YEATS2: variants seen among roughly 807,000 people sequenced by gnomAD.
YEATS2 encodes YEATS domain-containing protein 2.
In YEATS2, 77 loss-of-function variants were observed where a neutral mutation model predicts 163.2. The ratio of observed to expected loss-of-function variants is 0.47; its 90% confidence interval spans 0.39 to 0.57. The LOEUF is 0.57. Ranked by LOEUF, YEATS2 falls within the 20% of genes least tolerant of loss-of-function variation. YEATS2 has a pLI of 0.00. For synonymous variants in YEATS2, 631 were observed against 645.1 expected, an observed-to-expected ratio of 0.98 and a Z score of 0.33; for missense variants, 1,549 against 1,729.8, an observed-to-expected ratio of 0.90 and a Z score of 1.85.
rs566273193 is a variant in YEATS2 at position 183,737,862 on chromosome 3, C to T, written c.924+1033C>T. The stretch of plus-strand genomic sequence containing the variant: ...CTTTGCTTATTGCTCTCAGTAGATA[C>T]TTGATTTTTAAAAAAATTGAAGATT... On this transcript the variant is annotated intron_variant, in intron 8 of 30. Coordinates refer to ENST00000305135, the MANE Select transcript of YEATS2 (RefSeq NM_018023.5). Among the ~76,000 whole-genome samples, 10 of 152,242 alleles carry T rather than the reference C, an allele frequency of 6.6e-5. No homozygotes were observed. The South Asian group carries it at 1.0e-3, about 16-fold the overall frequency.
rs764297600 is a variant in YEATS2, at chr3:183,775,979, A to AGGCGGCAGTGGCAGCGGT, written c.2435_2436insCGGCAGTGGCAGCGGTGG (p.Gly813_Gly814insSerGlySerGlyGlyGly). Reference sequence around the variant, plus strand: ...CCGGAGGAGGAGGAGGAGGAGGAGGAGGAGGCGGCAGTGGCAGCGGTGGAG... The same window carrying AGGCGGCAGTGGCAGCGGT: ...CCGGAGGAGGAGGAGGAGGAGGAGGAGGCGGCAGTGGCAGCGGTGGAGGCGGCAGTGGCAGCGGTGGAG... On this transcript the variant is annotated inframe_insertion, in exon 18 of 31. Transcript: ENST00000305135. 3.0e-4 allele frequency: 486 copies of AGGCGGCAGTGGCAGCGGT among 1,607,102 alleles called. 3 individuals carry two copies. Among genetic ancestry groups the AGGCGGCAGTGGCAGCGGT allele is most frequent in the Non-Finnish European group, 5.4e-5 (64 of 1,176,254 alleles).
At chr3:183,705,110 G>A (rs550089305) in intron 1 of YEATS2, among the ~76,000 whole-genome samples, 3 of 152,088 alleles carry the variant, frequency 2.0e-5, no homozygotes, top group South Asian at 2.1e-4. Flanking sequence ...GTGCAACGGC[G>A]CGATCTCAGC....
At chr3:183,699,744 C>T (rs1713866135) in intron 1 of YEATS2, among the ~76,000 whole-genome samples, 1 of 152,034 alleles carries the variant, frequency 6.6e-6, no homozygotes, top group African/African-American at 2.4e-5. Context: ...AAAGCTCCTA[C>T]CAAAATGGCA....
At chr3:183,773,123 G>C (rs1219771901) in intron 16 of YEATS2, among the ~76,000 whole-genome samples, 1 of 152,114 alleles carries the variant, frequency 6.6e-6, no homozygotes, top group Non-Finnish European at 1.5e-5. Flanking sequence ...CAAATATATG[G>C]ATATTTTTTA....
At chr3:183,724,367 C>T in intron 5 of YEATS2, 52 bp from the exon 6 acceptor site, 5 of 1,336,532 alleles carry the variant, frequency 3.7e-6, no homozygotes, top group East Asian at 2.5e-5. Flanking sequence ...GGTTTCTGTC[C>T]TATTGAAAGT....
At chr3:183,755,210 C>T (rs187444485) in intron 11 of YEATS2, among the ~76,000 whole-genome samples, 2 of 151,998 alleles carry the variant, frequency 1.3e-5, no homozygotes, top group African/African-American at 2.4e-5. Flanking sequence ...CCACCTCTCT[C>T]GGGTTCAAGT....
At chr3:183,757,460 T>C (rs1720887842) in intron 12 of YEATS2, among the ~76,000 whole-genome samples, 2 of 151,892 alleles carry the variant, frequency 1.3e-5, no homozygotes, top group South Asian at 4.1e-4. Flanking sequence ...CCAGCTAATT[T>C]TTGTATTTTT....
At chr3:183,741,237 C>T (rs1236570460) in intron 8 of YEATS2, among the ~76,000 whole-genome samples, 2 of 152,120 alleles carry the variant, frequency 1.3e-5, no homozygotes, top group Non-Finnish European at 2.9e-5. Flanking sequence ...CTGTGCTTGG[C>T]CACAGCTGGT....
chr3:183,801,853 T>C (rs1384852533), intron 25 of YEATS2: 1 of 203,204 alleles, frequency 4.9e-6, no homozygotes, highest in Non-Finnish European at 9.9e-6. Context: ...GCCTGCAGTG[T>C]ACCAGGTCCT....
chr3:183,789,854 TG>T (rs1724439614), intron 20 of YEATS2, among the ~76,000 whole-genome samples: 1 of 152,152 alleles, frequency 6.6e-6, no homozygotes, highest in African/African-American at 2.4e-5. Context: ...AGTTAATTTT[TG>T]TACGTGGTGT....
rs553168295 is a variant in YEATS2, at chr3:183,798,837, C to T, written c.3227-54C>T. Reference sequence around the variant, plus strand: ...TTGTCACCTGGAAGTAGATCACCCTCATTAAAAATAATTTTTGTATTTGTT... The same window carrying T: ...TTGTCACCTGGAAGTAGATCACCCTTATTAAAAATAATTTTTGTATTTGTT... On this transcript the variant is annotated intron_variant, in intron 22 of 30. Transcript: ENST00000305135. 10 of 1,380,036 alleles carry T rather than the reference C, an allele frequency of 7.2e-6. No homozygotes were observed. The African/African-American group carries it at 8.5e-5, about 12-fold the overall frequency. The allele number at this position is 1,380,036 out of a possible 1,614,324, so 85.5% of individuals were successfully genotyped here.
At chr3:183,732,945 C>T (rs1262561962) in intron 7 of YEATS2, among the ~76,000 whole-genome samples, 1 of 151,920 alleles carries the variant, frequency 6.6e-6, no homozygotes, top group Non-Finnish European at 1.5e-5. Flanking sequence ...ACTGCAGCCT[C>T]GAACTCCTGG....
At position 183,738,367 on chromosome 3, in the gene YEATS2, A is replaced by C. The variant is rs532655271; in HGVS notation, c.924+1538A>C. Among the ~76,000 whole-genome samples the C allele has an allele frequency of 3.3e-5, 5 of 151,340 alleles. No individual in the cohort carries two copies. The East Asian group carries it at 9.7e-4, about 29-fold the overall frequency. On this transcript the variant is annotated intron_variant, in intron 8 of 30. Coordinates refer to ENST00000305135, the MANE Select transcript of YEATS2 (RefSeq NM_018023.5). ...GCGAGGCCTCTGTGCCAAACAGCCA[A>C]GTTGTAAATGCAAAGGAAAAGTTCT... is the stretch of plus-strand genomic sequence containing the variant.
At chr3:183,709,675 ATT>A (rs774989436) in intron 1 of YEATS2, among the ~76,000 whole-genome samples, 24 of 125,098 alleles carry the variant, frequency 1.9e-4, no homozygotes, top group Admixed American at 3.4e-4. Context: ...AATGAGATAA[ATT>A]TTTTTTTTTT....
Position 183,810,523 on chromosome 3 carries a change from C to T in YEATS2, c.4209C>T (p.Asn1403=). The change falls in exon 31 of 31, where the codon AAC becomes AAT. Residue 1403 remains asparagine, a synonymous_variant. Coordinates refer to ENST00000305135, the MANE Select transcript of YEATS2 (RefSeq NM_018023.5). ...TVSNIHQAIC[N]IPFLDFLTNK... ...GTAATATTCACCAGGCCATTTGCAA[C>T]ATTCCTTTTCTGGACTTCCTCACAA... 6.2e-7 allele frequency: 1 copy of T among 1,614,198 alleles called. No individual in the cohort carries two copies. Among genetic ancestry groups the T allele is most frequent in the Non-Finnish European group, 8.5e-7 (1 of 1,180,032 alleles).
chr3:183,809,029 G>A, intron 29 of YEATS2, 68 bp from the exon 30 acceptor site: 1 of 1,544,196 alleles, frequency 6.5e-7, no homozygotes, highest in South Asian at 1.1e-5. Flanking sequence ...AAGGGATGGG[G>A]TTAAATGTGT....
At chr3:183,715,519 G>A (rs942710169) in intron 2 of YEATS2, among the ~76,000 whole-genome samples, 4 of 152,092 alleles carry the variant, frequency 2.6e-5, no homozygotes, top group Non-Finnish European at 1.5e-5. Flanking sequence ...CTGTATGTTA[G>A]GTGTAATCAT....
chr3:183,804,769 T>G (rs263040), intron 27 of YEATS2, among the ~76,000 whole-genome samples: 1 of 151,538 alleles, frequency 6.6e-6, no homozygotes, highest in Non-Finnish European at 1.5e-5. Flanking sequence ...GGGTGGATCA[T>G]GAGGTCAGGA....
At chr3:183,710,442 G>C (rs1715083210) in intron 1 of YEATS2, among the ~76,000 whole-genome samples, 1 of 152,216 alleles carries the variant, frequency 6.6e-6, no homozygotes, top group African/African-American at 2.4e-5. Context: ...ATTCTTGTGA[G>C]ACAGAAGCAG....
Sources: gnomAD v4.1 joint callset for allele counts (sites outside exome capture counted in the v4.1 genomes callset) on GRCh38, gnomAD v4.1.1 for gene constraint, MANE v1.5 for transcripts, NCBI Gene and HGNC (gene_info 2026-07-23, HGNC 2026-07-21) for gene names.